The following INPP4B variants were observed in gnomAD, a reference collection of about 807,000 sequenced individuals.
INPP4B encodes inositol polyphosphate 4-phosphatase type II.
In INPP4B, 55 loss-of-function variants were observed where a neutral mutation model predicts 122.5. That is an observed-to-expected ratio of 0.45 (90% CI 0.36 to 0.56). The LOEUF (loss-of-function observed/expected upper bound fraction) is 0.56. Ranked by LOEUF, INPP4B falls within the 20% of genes least tolerant of loss-of-function variation. The pLI is 0.00. For synonymous variants in INPP4B, 403 were observed against 388.7 expected, an observed-to-expected ratio of 1.04 and a Z score of -0.43; for missense variants, 1,000 against 1,097.7, an observed-to-expected ratio of 0.91 and a Z score of 1.26.
rs745548091 is a variant in INPP4B at position 142,023,379 on chromosome 4, C to G, written c.*5403G>C. The G allele has an allele frequency of 6.6e-6, 1 of 151,632 alleles. No homozygotes were observed. Among genetic ancestry groups the G allele is most frequent in the Non-Finnish European group, 1.5e-5 (1 of 67,896 alleles). 9.4% of individuals were successfully genotyped at this position (151,632 alleles called of 1,614,324 possible). On this transcript the variant is annotated 3_prime_UTR_variant, in exon 26 of 26. Transcript: ENST00000262992. ...AAATGCCAACCTTTCAGATGAGTAC[C>G]ACAAAAACCTAAAAGTTAAATGTTA... is the stretch of plus-strand genomic sequence containing the variant.
intron 2 of INPP4B, among the ~76,000 whole-genome samples, chr4:142,523,586 C>A (rs917175833): frequency 6.6e-6 from 1 of 152,050 alleles, no homozygotes; most frequent in African/African-American, 2.4e-5. Flanking sequence ...TCCACTCTTC[C>A]CACAATGTCC....
intron 22 of INPP4B, 31 bp from the exon 23 acceptor site, chr4:142,108,221 G>C: frequency 8.6e-7 from 1 of 1,168,540 alleles, no homozygotes; most frequent in Non-Finnish European, 1.3e-6. Context: ...ACAGCTGTGG[G>C]TTATAAAACG....
chr4:142,718,741 T>C (rs958122783), intron 2 of INPP4B, among the ~76,000 whole-genome samples: 2 of 152,196 alleles, frequency 1.3e-5, no homozygotes, highest in African/African-American at 2.4e-5. Flanking sequence ...CCTGTAAACA[T>C]AATTAAAGAA....
At chr4:142,482,658 G>C in intron 2 of INPP4B, among the ~76,000 whole-genome samples, 1 of 152,136 alleles carries the variant, frequency 6.6e-6, no homozygotes, top group Non-Finnish European at 1.5e-5. Flanking sequence ...GGCTCTGTAT[G>C]TATCAGTTTC....
At chr4:142,413,022 A>G (rs1021413608) in intron 5 of INPP4B, among the ~76,000 whole-genome samples, 3 of 152,174 alleles carry the variant, frequency 2.0e-5, no homozygotes, top group Admixed American at 2.0e-4. Context: ...AAAATGTGTT[A>G]TGTTCTCCTT....
intron 2 of INPP4B, among the ~76,000 whole-genome samples, chr4:142,533,470 T>A (rs1432259056): frequency 1.3e-5 from 2 of 152,062 alleles, no homozygotes; most frequent in African/African-American, 4.8e-5. Flanking sequence ...AATATTTATT[T>A]TTTTTTTAAA....
chr4:142,452,525 A>C (rs2149519009), intron 3 of INPP4B, among the ~76,000 whole-genome samples: 1 of 152,354 alleles, frequency 6.6e-6, no homozygotes, highest in East Asian at 1.9e-4. Flanking sequence ...AAAATGTTTC[A>C]ACAGAAGGTA....
chr4:142,731,154 C>A (rs899756369), intron 1 of INPP4B, among the ~76,000 whole-genome samples: 1 of 152,062 alleles, frequency 6.6e-6, no homozygotes, highest in Non-Finnish European at 1.5e-5. Flanking sequence ...CTGAAAGGCC[C>A]AAGTGTGTAT....
chr4:142,557,703 G>A (rs901332158), intron 2 of INPP4B, among the ~76,000 whole-genome samples: 2 of 152,014 alleles, frequency 1.3e-5, no homozygotes, highest in Admixed American at 6.6e-5. Flanking sequence ...AATATTAGAG[G>A]TAACAATAAG....
intron 2 of INPP4B, among the ~76,000 whole-genome samples, chr4:142,523,546 C>A (rs1420821763): frequency 6.6e-6 from 1 of 152,112 alleles, no homozygotes; most frequent in East Asian, 1.9e-4. Flanking sequence ...CTTGGCAAAG[C>A]AAGGCCAGGG....
chr4:142,297,320 C>G (rs1759188829), intron 9 of INPP4B, among the ~76,000 whole-genome samples: 1 of 152,136 alleles, frequency 6.6e-6, no homozygotes, highest in African/African-American at 2.4e-5. Context: ...ATATCCAGAT[C>G]CAGAGTTAAG....
At chr4:142,234,845 C>T (rs929021321) in intron 12 of INPP4B, among the ~76,000 whole-genome samples, 21 of 152,116 alleles carry the variant, frequency 1.4e-4, no homozygotes, top group African/African-American at 5.1e-4. Context: ...CCCACCAGCC[C>T]CTTCCATGTG....
intron 18 of INPP4B, among the ~76,000 whole-genome samples, chr4:142,142,689 A>C (rs1016551507): frequency 9.2e-5 from 14 of 152,138 alleles, no homozygotes; most frequent in Non-Finnish European, 5.9e-5. Flanking sequence ...AAGAGAGAAC[A>C]ACTTGAGTCC....
chr4:142,055,924 T>C (rs945634564), intron 25 of INPP4B, among the ~76,000 whole-genome samples: 3 of 151,858 alleles, frequency 2.0e-5, no homozygotes, highest in Non-Finnish European at 4.4e-5. Flanking sequence ...CTCACCACAA[T>C]GTGGAATCAG....
At chr4:142,385,540 G>C (rs28588752) in intron 7 of INPP4B, among the ~76,000 whole-genome samples, 29,324 of 152,004 alleles carry the variant, frequency 0.19, 3,639 homozygotes, top group African/African-American at 0.35. Context: ...CTTACCGAAC[G>C]ATTATATTTA....
intron 15 of INPP4B, among the ~76,000 whole-genome samples, chr4:142,176,549 T>C (rs1828371894): frequency 6.6e-6 from 1 of 152,134 alleles, no homozygotes; most frequent in Non-Finnish European, 1.5e-5. Flanking sequence ...TCCACTCCAT[T>C]CTATTCTAAT....
intron 1 of INPP4B, among the ~76,000 whole-genome samples, chr4:142,786,257 G>A (rs1389533549): frequency 6.6e-6 from 1 of 152,030 alleles, no homozygotes; most frequent in African/African-American, 2.4e-5. Context: ...GTAAGAAAGT[G>A]CTCAAAAACA....
chr4:142,413,912 A>G (rs1805125601), intron 5 of INPP4B, among the ~76,000 whole-genome samples: 3 of 152,120 alleles, frequency 2.0e-5, no homozygotes, highest in Admixed American at 6.6e-5. Context: ...AAGACTCTCA[A>G]CCCTCTGATA....
intron 2 of INPP4B, among the ~76,000 whole-genome samples, chr4:142,685,435 ACT>A (rs1358576205): frequency 6.6e-6 from 1 of 152,074 alleles, no homozygotes; most frequent in African/African-American, 2.4e-5. Context: ...TATTTTAGTG[ACT>A]TCCATGGGGC....
Sources: gnomAD v4.1 joint callset for allele counts (sites outside exome capture counted in the v4.1 genomes callset) on GRCh38, gnomAD v4.1.1 for gene constraint, MANE v1.5 for transcripts, NCBI Gene and HGNC (gene_info 2026-07-23, HGNC 2026-07-21) for gene names.